CREB5: variants seen among roughly 807,000 people sequenced by gnomAD.
CREB5 encodes cyclic AMP-responsive element-binding protein 5.
Under a neutral mutation model 57.1 loss-of-function variants are expected in CREB5, and 19 were observed. That is an observed-to-expected ratio of 0.33 (90% CI 0.23 to 0.49). CREB5 has a LOEUF of 0.49. CREB5 is among the 20% of genes least tolerant of loss of function. CREB5 has a pLI of 0.99. For missense variants in CREB5, 579 were observed against 671.6 expected, an observed-to-expected ratio of 0.86 and a Z score of 1.52; for synonymous variants, 238 against 238.3, an observed-to-expected ratio of 1.00 and a Z score of 0.01.
At chr7:28,324,072 C>T (rs962105792) in intron 1 of CREB5, among the ~76,000 whole-genome samples, 1 of 152,140 alleles carries the variant, frequency 6.6e-6, no homozygotes, top group Admixed American at 6.5e-5. Context: ...CACAGAGAAG[C>T]TTTGGTCACT....
chr7:28,755,990 A>T (rs1042753705), intron 7 of CREB5, among the ~76,000 whole-genome samples: 1 of 152,190 alleles, frequency 6.6e-6, no homozygotes, highest in Non-Finnish European at 1.5e-5. Context: ...AATACAATGT[A>T]TTCTATCTTC....
At chr7:28,760,221 T>A (rs1266021140) in intron 7 of CREB5, among the ~76,000 whole-genome samples, 1 of 152,172 alleles carries the variant, frequency 6.6e-6, no homozygotes. Context: ...AACACAACAT[T>A]ACCTACAGGA....
At chr7:28,711,409 A>C (rs534488444) in intron 5 of CREB5, among the ~76,000 whole-genome samples, 19 of 152,340 alleles carry the variant, frequency 1.2e-4, no homozygotes, top group African/African-American at 4.3e-4. Context: ...TCTAAGGCTA[A>C]ATATTTCTAC....
chr7:28,513,860 A>G (rs1484346181), intron 4 of CREB5: 1 of 152,214 alleles, frequency 6.6e-6, no homozygotes, highest in Admixed American at 6.5e-5. Context: ...TTCTGCTTCA[A>G]CTTTAAAATG....
intron 5 of CREB5, among the ~76,000 whole-genome samples, chr7:28,639,764 G>C (rs1375374877): frequency 6.6e-6 from 1 of 152,160 alleles, no homozygotes; most frequent in African/African-American, 2.4e-5. Context: ...ACAGGCAAGA[G>C]TTTGTTATCA....
intron 1 of CREB5, among the ~76,000 whole-genome samples, chr7:28,445,881 G>C (rs1789442098): frequency 1.3e-5 from 2 of 152,220 alleles, no homozygotes; most frequent in Non-Finnish European, 2.9e-5. Context: ...GAGGGTGAGG[G>C]AATGATTGCA....
At position 28,804,536 on chromosome 7, in the gene CREB5, G is replaced by C. The variant is rs774998958; in HGVS notation, c.1026+14G>C. 1.2e-6 allele frequency: 2 copies of C among 1,610,710 alleles called. No individual in the cohort carries two copies. The highest frequency in any genetic ancestry group is 3.3e-5 in the Admixed American group (2 of 59,946). On this transcript the variant is annotated intron_variant, in intron 8 of 10. Coordinates refer to ENST00000357727, the MANE Select transcript of CREB5 (RefSeq NM_182898.4). ...AACCAAGCACAGGTAGACCTTTTCC[G>C]TGATCTCTTTCCCCTTCTTATTCTC... is the stretch of plus-strand genomic sequence containing the variant.
intron 7 of CREB5, among the ~76,000 whole-genome samples, chr7:28,768,056 G>A (rs1806105431): frequency 6.6e-6 from 1 of 152,208 alleles, no homozygotes; most frequent in African/African-American, 2.4e-5. Flanking sequence ...TAAGGATTTT[G>A]CATATTTTAG....
chr7:28,379,376 C>A (rs547411448), intron 1 of CREB5, among the ~76,000 whole-genome samples: 4 of 152,338 alleles, frequency 2.6e-5, no homozygotes, highest in African/African-American at 7.2e-5. Context: ...GTTCTGCTGA[C>A]CCTCAGTGTT....
At chr7:28,558,161 G>A (rs554712173) in intron 4 of CREB5, among the ~76,000 whole-genome samples, 1 of 152,222 alleles carries the variant, frequency 6.6e-6, no homozygotes, top group Non-Finnish European at 1.5e-5. Context: ...AAATAAGACA[G>A]ACTAAGCCTC....
At chr7:28,684,399 G>A (rs1005061693) in intron 5 of CREB5, among the ~76,000 whole-genome samples, 7 of 152,204 alleles carry the variant, frequency 4.6e-5, no homozygotes, top group Non-Finnish European at 1.0e-4. Context: ...AGGATGTCAA[G>A]CCAAAGGGCA....
intron 1 of CREB5, among the ~76,000 whole-genome samples, chr7:28,342,234 C>T (rs1785950965): frequency 6.6e-6 from 1 of 152,160 alleles, no homozygotes; most frequent in Admixed American, 6.5e-5. Context: ...ATCACCATTC[C>T]TCTCTTCCAT....
Position 28,652,886 on chromosome 7 carries a change from A to G in CREB5, c.465-65867A>G, listed in dbSNP as rs141528943. On this transcript the variant is annotated intron_variant, in intron 5 of 10. Transcript: ENST00000357727. ...ATTCAATAAAAGATGATTAGTGACC[A>G]GTTGCCTTTGCACACATGCCCAAAG... Among the ~76,000 whole-genome samples the G allele has an allele frequency of 7.0e-4, 107 of 152,322 alleles. No homozygotes were observed. In the East Asian group the frequency reaches 0.018, roughly 25 times the overall value.
chr7:28,815,725 C>T (rs919013526), intron 9 of CREB5, among the ~76,000 whole-genome samples: 5 of 152,068 alleles, frequency 3.3e-5, no homozygotes, highest in African/African-American at 1.2e-4. Context: ...TTTCATTGCC[C>T]AGGACATAGT....
intron 7 of CREB5, among the ~76,000 whole-genome samples, chr7:28,728,265 C>A (rs1488463306): frequency 6.6e-6 from 1 of 152,144 alleles, no homozygotes; most frequent in Admixed American, 6.5e-5. Flanking sequence ...ACAGCTGAGG[C>A]AACTGAGGCT....
intron 4 of CREB5, among the ~76,000 whole-genome samples, chr7:28,536,460 C>A (rs761320453): frequency 6.6e-6 from 1 of 152,162 alleles, no homozygotes; most frequent in Non-Finnish European, 1.5e-5. Context: ...GTGGTAGGAA[C>A]TCTGTCTCTG....
chr7:28,426,770 G>T (rs1431379447), intron 1 of CREB5, among the ~76,000 whole-genome samples: 1 of 152,144 alleles, frequency 6.6e-6, no homozygotes, highest in African/African-American at 2.4e-5. Flanking sequence ...TTATTTTTGT[G>T]TTTTTCATAA....
At chr7:28,605,607 CT>C (rs1470969338) in intron 5 of CREB5, among the ~76,000 whole-genome samples, 24 of 152,198 alleles carry the variant, frequency 1.6e-4, no homozygotes, top group African/African-American at 5.8e-4. Context: ...CTGCTTCCTG[CT>C]CCTTGTTTCC....
chr7:28,403,349 C>A (rs551965364), intron 1 of CREB5, among the ~76,000 whole-genome samples: 3 of 152,244 alleles, frequency 2.0e-5, no homozygotes, highest in Admixed American at 2.0e-4. Context: ...ATTCTAAATG[C>A]CAGGCACAGG....
Sources: allele counts gnomAD v4.1 joint callset (sites outside exome capture counted in the v4.1 genomes callset), GRCh38; gene constraint gnomAD v4.1.1; transcripts MANE v1.5; gene names NCBI Gene and HGNC (gene_info 2026-07-23, HGNC 2026-07-21).